GPHN: variants seen among roughly 807,000 people sequenced by gnomAD.
GPHN encodes the protein gephyrin.
A neutral mutation model predicts 95.5 loss-of-function variants in GPHN; 17 were observed. The observed-to-expected ratio is 0.18, with a 90% CI of 0.12 to 0.27. The LOEUF (loss-of-function observed/expected upper bound fraction) is 0.27, where lower values mean the gene tolerates loss of function less well. Among genes scored for constraint, GPHN ranks in the 10% least tolerant of loss-of-function variants. GPHN has a pLI of 1.00. For missense variants in GPHN, 660 were observed against 978.1 expected (o/e 0.67, Z 4.34); for synonymous variants, 320 against 322.5 (o/e 0.99, Z 0.08).
At chr14:66,844,706 A>T (rs1397165754) in intron 4 of GPHN, among the ~76,000 whole-genome samples, 5 of 152,124 alleles carry the variant, frequency 3.3e-5, no homozygotes. Flanking sequence ...TCATTTCAGT[A>T]GCTTTTTAAA....
intron 2 of GPHN, among the ~76,000 whole-genome samples, chr14:66,702,432 G>C (rs1303998763): frequency 6.6e-6 from 1 of 152,162 alleles, no homozygotes; most frequent in African/African-American, 2.4e-5. Context: ...AGAGATCCCA[G>C]AAGAAGGAGC....
chr14:66,508,983 C>T (rs1008217793), intron 1 of GPHN: 3 of 285,876 alleles, frequency 1.0e-5, no homozygotes, highest in Admixed American at 4.7e-5. Flanking sequence ...CGCTAGTGCT[C>T]TTCAGAGAGA....
At chr14:66,779,005 A>G (rs2059505557) in intron 3 of GPHN, among the ~76,000 whole-genome samples, 1 of 152,006 alleles carries the variant, frequency 6.6e-6, no homozygotes, top group Non-Finnish European at 1.5e-5. Flanking sequence ...CGGCCTCCCA[A>G]AGTGCTGGGA....
chr14:67,669,456 T>C, the GPHN span, among the ~76,000 whole-genome samples: 93 of 150,922 alleles, frequency 6.2e-4, no homozygotes, highest in Middle Eastern at 3.4e-3. Flanking sequence ...TTTGTAGAGA[T>C]AGGTCTCACC....
the GPHN span, chr14:67,593,644 A>G: frequency 4.4e-6 from 3 of 675,910 alleles, no homozygotes; most frequent in Non-Finnish European, 7.9e-6. Context: ...TTTTAAATAT[A>G]AGTCTCACTT....
intron 1 of GPHN, among the ~76,000 whole-genome samples, chr14:66,583,435 G>T (rs2061283375): frequency 6.6e-6 from 1 of 152,056 alleles, no homozygotes; most frequent in Non-Finnish European, 1.5e-5. Context: ...ATTGCTTTTG[G>T]TGTTTTAGAC....
At chr14:67,572,497 C>T in the GPHN span, among the ~76,000 whole-genome samples, 2 of 152,152 alleles carry the variant, frequency 1.3e-5, no homozygotes, top group African/African-American at 2.4e-5. Context: ...TCCTGGAATA[C>T]CAGCAATGGC....
chr14:66,904,058 C>T (rs1188098788), intron 5 of GPHN, among the ~76,000 whole-genome samples: 1 of 152,012 alleles, frequency 6.6e-6, no homozygotes, highest in Non-Finnish European at 1.5e-5. Context: ...TTTATCTATT[C>T]GCCTTCATAC....
intron 5 of GPHN, among the ~76,000 whole-genome samples, chr14:66,911,049 A>G (rs1296932164): frequency 6.6e-6 from 1 of 152,086 alleles, no homozygotes; most frequent in Non-Finnish European, 1.5e-5. Flanking sequence ...AAAGCATGCT[A>G]AAATGAAAAT....
the GPHN span, among the ~76,000 whole-genome samples, chr14:67,451,462 A>G: frequency 6.6e-6 from 1 of 152,246 alleles, no homozygotes; most frequent in Non-Finnish European, 1.5e-5. Context: ...CAAAGCCACA[A>G]GGGCAGAGCT....
At chr14:67,586,934 G>C in the GPHN span, 1 of 1,542,898 alleles carries the variant, frequency 6.5e-7, no homozygotes, top group Non-Finnish European at 8.7e-7. Context: ...GATTCCCTTT[G>C]GATATTTTCT....
the GPHN span, among the ~76,000 whole-genome samples, chr14:67,560,439 A>C: frequency 1.3e-5 from 2 of 152,240 alleles, no homozygotes; most frequent in African/African-American, 4.8e-5. Flanking sequence ...CATTAAGTAC[A>C]TTCACAGTGT....
chr14:67,018,460 A>G (rs937898562), intron 9 of GPHN, among the ~76,000 whole-genome samples: 2 of 152,180 alleles, frequency 1.3e-5, no homozygotes, highest in African/African-American at 4.8e-5. Flanking sequence ...GATAAAGGCA[A>G]CAGCTTGTCT....
intron 1 of GPHN, among the ~76,000 whole-genome samples, chr14:66,549,973 G>A (rs2059754169): frequency 6.6e-6 from 1 of 152,134 alleles, no homozygotes. Flanking sequence ...TTATTTCAAA[G>A]TATTACTACT....
intron 10 of GPHN, among the ~76,000 whole-genome samples, chr14:67,035,513 C>T (rs1715028754): frequency 6.6e-6 from 1 of 151,556 alleles, no homozygotes. Context: ...ACAGAAGACT[C>T]AAAATAACTA....
chr14:67,242,501 T>C, the GPHN span, among the ~76,000 whole-genome samples: 1 of 152,246 alleles, frequency 6.6e-6, no homozygotes, highest in Non-Finnish European at 1.5e-5. Flanking sequence ...GCTTTTGGAT[T>C]ATACCAGAAG....
At chr14:66,802,993 T>C (rs1360356240) in intron 3 of GPHN, among the ~76,000 whole-genome samples, 1 of 152,114 alleles carries the variant, frequency 6.6e-6, no homozygotes. Flanking sequence ...CAGTCCACTG[T>C]CAGTGGACCC....
At chr14:66,819,606 G>T (rs916804018) in intron 3 of GPHN, among the ~76,000 whole-genome samples, 1 of 151,532 alleles carries the variant, frequency 6.6e-6, no homozygotes, top group Non-Finnish European at 1.5e-5. Flanking sequence ...CTCCAGCTTT[G>T]TTTTTTTGTT....
intron 2 of GPHN, among the ~76,000 whole-genome samples, chr14:66,693,662 TCTTA>T (rs2067932107): frequency 1.3e-5 from 2 of 152,148 alleles, no homozygotes; most frequent in African/African-American, 4.8e-5. Context: ...TGAGGGCAGA[TCTTA>T]CTTACTCAGC....
Sources: allele counts gnomAD v4.1 joint callset (sites outside exome capture counted in the v4.1 genomes callset), GRCh38; gene constraint gnomAD v4.1.1; transcripts MANE v1.5; gene names NCBI Gene and HGNC (gene_info 2026-07-23, HGNC 2026-07-21).